Variants in MVB12A observed in about 807,000 individuals in gnomAD.
MVB12A encodes the protein multivesicular body subunit 12A.
MVB12A carries 30 observed loss-of-function variants against 34.3 expected under a neutral mutation model. The observed-to-expected ratio is 0.88, with a 90% CI of 0.65 to 1.19. MVB12A has a LOEUF of 1.19. Among genes scored for constraint, MVB12A ranks in the 50% most tolerant of loss-of-function variants. The pLI is 0.00. For missense variants in MVB12A, 355 were observed against 369.2 expected (o/e 0.96, Z 0.31); for synonymous variants, 158 against 158.9 (o/e 0.99, Z 0.04).
At chr19:17,411,789 C>T (rs564789935) in intron 2 of MVB12A, among the ~76,000 whole-genome samples, 3 of 146,694 alleles carry the variant, frequency 2.0e-5, no homozygotes, top group South Asian at 4.5e-4. Flanking sequence ...AACCACTGCA[C>T]CTGGCTAAGA....
At chr19:17,408,604 G>T (rs1446997556) in intron 2 of MVB12A, among the ~76,000 whole-genome samples, 1 of 150,120 alleles carries the variant, frequency 6.7e-6, no homozygotes, top group Non-Finnish European at 1.5e-5. Context: ...CCACCGCCAT[G>T]CCTGGCTTAT....
chr19:17,418,502 C>T (rs996277855), upstream of MVB12A, among the ~76,000 whole-genome samples: 2 of 151,436 alleles, frequency 1.3e-5, no homozygotes, highest in Admixed American at 6.6e-5. Context: ...CAGTGATTCT[C>T]CTGCCTCAGC....
chr19:17,407,324 G>A (rs1462811657), intron 2 of MVB12A, among the ~76,000 whole-genome samples: 1 of 152,196 alleles, frequency 6.6e-6, no homozygotes, highest in Non-Finnish European at 1.5e-5. Flanking sequence ...ACAAGACGAA[G>A]AGATAAAAGA....
intron 2 of MVB12A, among the ~76,000 whole-genome samples, chr19:17,410,541 T>C (rs369841706): frequency 0.073 from 7,147 of 98,050 alleles, 645 homozygotes; most frequent in South Asian, 0.12. Context: ...CACACACACA[T>C]ATATATATAC....
At chr19:17,420,686 C>A in intron 3 of MVB12A, 52 bp downstream of exon 3, 1 of 1,379,770 alleles carries the variant, frequency 7.2e-7, no homozygotes, top group Non-Finnish European at 1.0e-6. Context: ...CAGGGAGGAG[C>A]GGGGGAGGAG....
chr19:17,424,512 G>C, intron 7 of MVB12A, 109 bp from the exon 8 acceptor site: 1 of 1,147,122 alleles, frequency 8.7e-7, no homozygotes, highest in Non-Finnish European at 1.3e-6. Flanking sequence ...AGGGATGTCC[G>C]AGGGAATATT....
chr19:17,420,735 CT>C (rs1486381003), intron 3 of MVB12A, 101 bp downstream of exon 3: 4 of 785,528 alleles, frequency 5.1e-6, no homozygotes, highest in Non-Finnish European at 8.7e-6. Context: ...CGGCTGCCCC[CT>C]GGCACACGGG....
rs1428511601 is a variant in MVB12A, at chr19:17,410,502, A to ATG, written c.-5+4207_-5+4208insGT. Among the ~76,000 whole-genome samples, 143 of 43,672 alleles carry ATG rather than the reference A, an allele frequency of 3.3e-3. 3 individuals carry two copies. The highest frequency in any genetic ancestry group is 8.8e-3 in the African/African-American group (98 of 11,116). The allele number at this position is 43,672 out of a possible 152,430, so 28.7% of individuals were successfully genotyped here. ...CATTCTTTTGGTTTTAGCTTCATAT[A>ATG]TATATATATATATATATATATATAT... On this transcript the variant is annotated intron_variant, in intron 2 of 6. Transcript: ENST00000528604.
Position 17,423,689 on chromosome 19 carries a change from C to G in MVB12A, c.534-4C>G, listed in dbSNP as rs374289821. 1.2e-4 allele frequency: 186 copies of G among 1,613,654 alleles called. 1 individual carries two copies. The highest frequency in any genetic ancestry group is 1.4e-4 in the Non-Finnish European group (171 of 1,179,854). Reference sequence around the variant, plus strand: ...AGGCTTAACCTGAGTCATCCCACCTCCAGTAAGGGCGGCCTCCTGGAGCGG... The same window carrying G: ...AGGCTTAACCTGAGTCATCCCACCTGCAGTAAGGGCGGCCTCCTGGAGCGG... On this transcript the variant is annotated splice_polypyrimidine_tract_variant and splice_region_variant and intron_variant, in intron 5 of 8. Transcript: ENST00000317040.
Position 17,424,665 on chromosome 19 carries a change from C to T in MVB12A, c.747C>T (p.Asp249=). 1 of 1,610,950 alleles carries T rather than the reference C, an allele frequency of 6.2e-7. No homozygotes were observed. The highest frequency in any genetic ancestry group is 8.5e-7 in the Non-Finnish European group (1 of 1,178,182). Residue 249 remains aspartate, a synonymous_variant, in exon 8 of 9, where the codon GAC becomes GAT. Coordinates refer to ENST00000317040, the MANE Select transcript of MVB12A (RefSeq NM_138401.4). ...ACCTGACCATCAAGTCTCTGGCGGA[C>T]ATTGAGGAGGAGGTGGGTGCAGGGC... ...FGDLTIKSLA[D]IEEEYNYGFV...
At chr19:17,405,779 T>TC in intron 1 of MVB12A, 1 of 505,988 alleles carries the variant, frequency 2.0e-6, no homozygotes, top group Non-Finnish European at 3.5e-6. Context: ...GAGGTGGGCT[T>TC]TTTTTTCACC....
At position 17,420,653 on chromosome 19, in the gene MVB12A, G is replaced by C; in HGVS notation, c.286+19G>C. On this transcript the variant is annotated intron_variant, in intron 3 of 8. Coordinates refer to ENST00000317040, the MANE Select transcript of MVB12A (RefSeq NM_138401.4). ...GATTCCAGTAAGGGCTGCTTCGGAG[G>C]CGAGAGTTGTCCGGGTCCCTTGCAG... 6.4e-7 allele frequency: 1 copy of C among 1,561,756 alleles called. No individual in the cohort carries two copies. Among genetic ancestry groups the C allele is most frequent in the Non-Finnish European group, 8.8e-7 (1 of 1,132,914 alleles).
chr19:17,412,220 C>G (rs1435721500), intron 2 of MVB12A, among the ~76,000 whole-genome samples: 1 of 152,186 alleles, frequency 6.6e-6, no homozygotes, highest in Non-Finnish European at 1.5e-5. Flanking sequence ...CGAACCAGCT[C>G]CTTTCCCTCG....
chr19:17,411,944 G>A (rs968584169), intron 2 of MVB12A, among the ~76,000 whole-genome samples: 6 of 152,224 alleles, frequency 3.9e-5, no homozygotes, highest in African/African-American at 1.4e-4. Context: ...ATGCCTGTAG[G>A]AAGTCGCTGG....
upstream of MVB12A, chr19:17,417,627 A>G (rs2074809471): frequency 6.6e-6 from 1 of 151,362 alleles, no homozygotes; most frequent in Admixed American, 6.6e-5. Flanking sequence ...TAAATAAATA[A>G]ATAAATTTTA....
intron 4 of MVB12A, chr19:17,422,976 T>C (rs1192669831): frequency 6.6e-6 from 1 of 151,478 alleles, no homozygotes; most frequent in Non-Finnish European, 1.5e-5. Flanking sequence ...TAAATAAAAA[T>C]AAAGTAGACA....
At chr19:17,412,680 A>G (rs1383197521) in intron 2 of MVB12A, among the ~76,000 whole-genome samples, 1 of 152,232 alleles carries the variant, frequency 6.6e-6, no homozygotes, top group Non-Finnish European at 1.5e-5. Flanking sequence ...GAAAACAGTA[A>G]AAAGAAAATA....
chr19:17,409,865 C>T (rs1216316453), intron 2 of MVB12A, among the ~76,000 whole-genome samples: 1 of 151,774 alleles, frequency 6.6e-6, no homozygotes, highest in Non-Finnish European at 1.5e-5. Context: ...TTCAAGCAAT[C>T]CTGCTGCCTC....
At chr19:17,410,575 T>TATATATACAC (rs1388013163) in intron 2 of MVB12A, among the ~76,000 whole-genome samples, 2 of 120,786 alleles carry the variant, frequency 1.7e-5, no homozygotes, top group African/African-American at 8.4e-5. Flanking sequence ...TACATATATA[T>TATATATACAC]ACATATATAT....
Sources: allele counts gnomAD v4.1 joint callset (sites outside exome capture counted in the v4.1 genomes callset), GRCh38; gene constraint gnomAD v4.1.1; transcripts MANE v1.5; gene names NCBI Gene and HGNC (gene_info 2026-07-23, HGNC 2026-07-21).